The following FILIP1L variants were observed in gnomAD, a reference collection of about 807,000 sequenced individuals.
FILIP1L encodes the protein filamin A interacting protein 1 like.
A neutral mutation model predicts 96.6 loss-of-function variants in FILIP1L; 55 were observed. That is an observed-to-expected ratio of 0.57 (90% confidence interval 0.46 to 0.71). The LOEUF is 0.71. FILIP1L is among the 30% of genes least tolerant of loss of function. The pLI, the probability that FILIP1L is intolerant of heterozygous loss-of-function variation, is 0.00. For synonymous variants in FILIP1L, 467 were observed against 473.9 expected (o/e 0.99, Z 0.19); for missense variants, 1,304 against 1,321.2 (o/e 0.99, Z 0.20).
intron 5 of FILIP1L, among the ~76,000 whole-genome samples, chr3:99,847,224 C>CAA (rs749004894): frequency 2.1e-5 from 3 of 142,584 alleles, no homozygotes; most frequent in African/African-American, 7.7e-5. Flanking sequence ...GAGGTTAAAA[C>CAA]AAAAAAAAAA....
chr3:100,076,557 C>T (rs953330985), intron 1 of FILIP1L, among the ~76,000 whole-genome samples: 5 of 152,266 alleles, frequency 3.3e-5, no homozygotes, highest in South Asian at 2.1e-4. Flanking sequence ...GACATGCTTT[C>T]GAGGTTTCAT....
chr3:100,065,914 C>T (rs1453693664), intron 1 of FILIP1L, among the ~76,000 whole-genome samples: 1 of 152,186 alleles, frequency 6.6e-6, no homozygotes, highest in Non-Finnish European at 1.5e-5. Flanking sequence ...AACAGCATCA[C>T]CTGGGGACTT....
rs540372277 is a variant in FILIP1L, at chr3:100,076,922, A to G, written c.-11+37131T>C. 2.6e-5 allele frequency among the ~76,000 whole-genome samples: 4 copies of G among 152,368 alleles called. No homozygotes were observed. The South Asian group carries it at 8.3e-4, about 32-fold the overall frequency. Reference sequence around the variant, plus strand: ...TAAGGATGCAATAGAGACAAAAATTACTTTTCAAATTACAGTTCCTGCAAG... The same window carrying G: ...TAAGGATGCAATAGAGACAAAAATTGCTTTTCAAATTACAGTTCCTGCAAG... On this transcript the variant is annotated intron_variant, in intron 1 of 5. Coordinates refer to ENST00000477258, the MANE Select transcript of FILIP1L (RefSeq NM_001387850.1).
chr3:99,896,535 A>G (rs1706259025), intron 4 of FILIP1L, among the ~76,000 whole-genome samples: 1 of 152,212 alleles, frequency 6.6e-6, no homozygotes, highest in Non-Finnish European at 1.5e-5. Flanking sequence ...CCAAAAGAGA[A>G]CGTAGTCAGG....
At chr3:99,952,698 T>C (rs1708212522) in intron 1 of FILIP1L, among the ~76,000 whole-genome samples, 1 of 152,206 alleles carries the variant, frequency 6.6e-6, no homozygotes, top group Non-Finnish European at 1.5e-5. Flanking sequence ...CCTATATTTT[T>C]AAATAATATC....
rs770660312 is a variant in FILIP1L at position 99,930,755 on chromosome 3, C to T, written c.252+14G>A. On this transcript the variant is annotated intron_variant, in intron 2 of 5. Coordinates refer to ENST00000477258, the MANE Select transcript of FILIP1L (RefSeq NM_001387850.1). Reference sequence around the variant, plus strand: ...TGTTTGAAGCATGATGGGGATAACTCCAACCCAGCTGACCTGCAGTTCTCC... The same window carrying T: ...TGTTTGAAGCATGATGGGGATAACTTCAACCCAGCTGACCTGCAGTTCTCC... The T allele has an allele frequency of 3.2e-5, 51 of 1,612,464 alleles. No homozygotes were observed. Among genetic ancestry groups the T allele is most frequent in the Non-Finnish European group, 4.1e-5 (48 of 1,179,364 alleles).
intron 4 of FILIP1L, among the ~76,000 whole-genome samples, chr3:99,913,911 C>T (rs1407392848): frequency 6.6e-6 from 1 of 152,118 alleles, no homozygotes; most frequent in Non-Finnish European, 1.5e-5. Flanking sequence ...TCGGATATTT[C>T]AGAGTGTTAC....
chr3:100,060,782 C>T (rs1203837753), intron 1 of FILIP1L, among the ~76,000 whole-genome samples: 4 of 152,038 alleles, frequency 2.6e-5, no homozygotes, highest in South Asian at 2.1e-4. Context: ...GGATAACGAG[C>T]GTGGGAGGCG....
chr3:100,066,870 G>A (rs184604488), intron 1 of FILIP1L, among the ~76,000 whole-genome samples: 82 of 152,290 alleles, frequency 5.4e-4, no homozygotes, highest in Non-Finnish European at 9.8e-4. Context: ...CTGGGTCACA[G>A]TTTAAAGATT....
chr3:99,902,697 A>G (rs968283500), intron 4 of FILIP1L, among the ~76,000 whole-genome samples: 1 of 152,188 alleles, frequency 6.6e-6, no homozygotes, highest in Non-Finnish European at 1.5e-5. Context: ...CACTAAATCA[A>G]TAGTGTGATC....
intron 1 of FILIP1L, among the ~76,000 whole-genome samples, chr3:99,934,553 G>C (rs1707597151): frequency 6.6e-6 from 1 of 152,118 alleles, no homozygotes; most frequent in Non-Finnish European, 1.5e-5. Flanking sequence ...GAATTTCTCT[G>C]CCCTCATCAA....
chr3:99,842,158 A>G (rs1220678326), intron 5 of FILIP1L, among the ~76,000 whole-genome samples: 1 of 152,214 alleles, frequency 6.6e-6, no homozygotes, highest in East Asian at 1.9e-4. Context: ...CGGCCATGAA[A>G]AGGAATGAAA....
intron 1 of FILIP1L, among the ~76,000 whole-genome samples, chr3:100,093,322 G>A (rs544582408): frequency 4.3e-4 from 66 of 152,114 alleles, no homozygotes; most frequent in African/African-American, 1.5e-3. Flanking sequence ...GAAAAAGTCA[G>A]ATAATCCAGA....
intron 1 of FILIP1L, among the ~76,000 whole-genome samples, chr3:99,977,517 C>T (rs998432394): frequency 1.3e-5 from 2 of 152,016 alleles, no homozygotes; most frequent in Non-Finnish European, 2.9e-5. Context: ...ACCTAAATTA[C>T]TTGTTTTCCT....
At chr3:99,896,366 G>A (rs1706252216) in intron 4 of FILIP1L, among the ~76,000 whole-genome samples, 1 of 152,174 alleles carries the variant, frequency 6.6e-6, no homozygotes, top group Admixed American at 6.5e-5. Flanking sequence ...CTAGAGAGAG[G>A]CTGTTTCATT....
At chr3:99,942,837 A>G (rs555871766) in intron 1 of FILIP1L, among the ~76,000 whole-genome samples, 2 of 152,260 alleles carry the variant, frequency 1.3e-5, no homozygotes, top group East Asian at 3.9e-4. Flanking sequence ...TCAAAAAAAA[A>G]AACTGAAAAA....
chr3:100,085,227 A>G (rs1490427450), intron 1 of FILIP1L, among the ~76,000 whole-genome samples: 1 of 152,234 alleles, frequency 6.6e-6, no homozygotes, highest in Non-Finnish European at 1.5e-5. Flanking sequence ...GAAGTTTGCC[A>G]GAAGAGAACA....
intron 1 of FILIP1L, among the ~76,000 whole-genome samples, chr3:100,041,801 T>C (rs1475633937): frequency 6.6e-6 from 1 of 152,204 alleles, no homozygotes; most frequent in Admixed American, 6.5e-5. Context: ...GGAGAAAGGA[T>C]AACTCATGTT....
chr3:99,889,101 G>A (rs1706002928), intron 4 of FILIP1L, among the ~76,000 whole-genome samples: 2 of 152,176 alleles, frequency 1.3e-5, no homozygotes, highest in East Asian at 3.9e-4. Context: ...AAACTTAACA[G>A]TTTTCTGTAT....
Sources: gnomAD v4.1 joint callset for allele counts (sites outside exome capture counted in the v4.1 genomes callset) on GRCh38, gnomAD v4.1.1 for gene constraint, MANE v1.5 for transcripts, NCBI Gene and HGNC (gene_info 2026-07-23, HGNC 2026-07-21) for gene names.